TRPM3: variants seen among roughly 807,000 people sequenced by gnomAD.
TRPM3 encodes the protein transient receptor potential cation channel subfamily M member 3, also known as long transient receptor potential channel 3.
In TRPM3, 77 loss-of-function variants were observed where a neutral mutation model predicts 181.2. The ratio of observed to expected loss-of-function variants is 0.42; its 90% CI spans 0.35 to 0.51. The LOEUF (loss-of-function observed/expected upper bound fraction) is 0.51, where lower values mean the gene tolerates loss of function less well. Among genes scored for constraint, TRPM3 ranks in the 20% least tolerant of loss-of-function variants. The pLI is 0.01. For synonymous variants in TRPM3, 745 were observed against 796.4 expected (o/e 0.94, Z 1.09); for missense variants, 1,759 against 2,196.7 (o/e 0.80, Z 3.98).
At chr9:71,184,520 T>G (rs763102030) in intron 1 of TRPM3, among the ~76,000 whole-genome samples, 8 of 152,122 alleles carry the variant, frequency 5.3e-5, no homozygotes, top group Non-Finnish European at 2.9e-5. Flanking sequence ...CTTCTCTCAG[T>G]ATCTGTTAGT....
At chr9:70,995,054 T>C (rs2097529132) in intron 1 of TRPM3, among the ~76,000 whole-genome samples, 1 of 152,174 alleles carries the variant, frequency 6.6e-6, no homozygotes, top group African/African-American at 2.4e-5. Context: ...TCAGAGCATG[T>C]AGGTCTTCAT....
Position 71,057,152 on chromosome 9 carries a change from C to T in TRPM3, c.177+64026G>A, listed in dbSNP as rs2060764697. On this transcript the variant is annotated intron_variant, in intron 1 of 25. Transcript: ENST00000677713. ...CACAGAGTTGGATTTCTATGCCTTTCTTACTGCTTTTCCACTTGCCCAGGG... is the reference window on the plus strand; with the variant it reads ...CACAGAGTTGGATTTCTATGCCTTTTTTACTGCTTTTCCACTTGCCCAGGG... 2.0e-5 allele frequency among the ~76,000 whole-genome samples: 3 copies of T among 152,160 alleles called. No individual in the cohort carries two copies. In the South Asian group the frequency reaches 6.2e-4, roughly 32 times the overall value.
At chr9:70,608,316 G>A (rs1385081246) in intron 19 of TRPM3, among the ~76,000 whole-genome samples, 1 of 152,198 alleles carries the variant, frequency 6.6e-6, no homozygotes, top group African/African-American at 2.4e-5. Context: ...GAGTCTGCCT[G>A]TGTTCCAATT....
chr9:71,411,590 CAAAAT>C (rs1449158742), intron 1 of TRPM3, among the ~76,000 whole-genome samples: 2 of 152,038 alleles, frequency 1.3e-5, no homozygotes, highest in Non-Finnish European at 2.9e-5. Flanking sequence ...CACTGCTCAA[CAAAAT>C]AAAAGATGAC....
chr9:70,689,816 G>A (rs569617118), intron 8 of TRPM3, among the ~76,000 whole-genome samples: 1 of 152,138 alleles, frequency 6.6e-6, no homozygotes, highest in South Asian at 2.1e-4. Flanking sequence ...TTTGAAAAGA[G>A]TTTGGTTCAT....
chr9:70,905,277 C>T (rs976671093), intron 1 of TRPM3, among the ~76,000 whole-genome samples: 2 of 152,136 alleles, frequency 1.3e-5, no homozygotes, highest in African/African-American at 4.8e-5. Flanking sequence ...CTGGAGATAC[C>T]AAATACACAT....
At chr9:71,416,729 A>C (rs2093642324) in intron 1 of TRPM3, among the ~76,000 whole-genome samples, 1 of 151,946 alleles carries the variant, frequency 6.6e-6, no homozygotes, top group Admixed American at 6.6e-5. Context: ...ACATACAGTA[A>C]GATGTGCCCA....
At chr9:70,805,465 C>T (rs1201647263) in intron 6 of TRPM3, among the ~76,000 whole-genome samples, 1 of 136,158 alleles carries the variant, frequency 7.3e-6, no homozygotes, top group African/African-American at 2.6e-5. Context: ...ACCCGGGAGG[C>T]GGAGCTTGCA....
rs2040554451 is a variant in TRPM3 at position 70,529,365 on chromosome 9, A to C, written c.*6588T>G. ...CCATTGTATTTGTAGGAATTCATTT[A>C]AAAATGATATCTGAATAATTTCCCC... On this transcript the variant is annotated 3_prime_UTR_variant, in exon 26 of 26. Coordinates refer to ENST00000677713, the MANE Select transcript of TRPM3 (RefSeq NM_001366145.2). 6.6e-6 allele frequency: 1 copy of C among 152,270 alleles called. No individual in the cohort carries two copies. The highest frequency in any genetic ancestry group is 1.5e-5 in the Non-Finnish European group (1 of 68,050). 9.4% of individuals were successfully genotyped at this position (152,270 alleles called of 1,614,324 possible).
Position 70,535,403 on chromosome 9 carries a change from GT to G in TRPM3, c.*549del. The G allele has an allele frequency of 6.5e-7, 1 of 1,550,240 alleles. No individual in the cohort carries two copies. The highest frequency in any genetic ancestry group is 1.2e-5 in the South Asian group (1 of 84,040). On this transcript the variant is annotated 3_prime_UTR_variant, in exon 26 of 26. Transcript: ENST00000677713. Reference sequence around the variant, plus strand: ...TGTTGGCATGAGAAGGATGTGGGACGTTAGGTAGAACTGCTTGCTGCCGGCT... The same window carrying G: ...TGTTGGCATGAGAAGGATGTGGGACGTAGGTAGAACTGCTTGCTGCCGGCT...
chr9:71,236,101 A>AC (rs2081335965), intron 1 of TRPM3, among the ~76,000 whole-genome samples: 1 of 152,220 alleles, frequency 6.6e-6, no homozygotes, highest in South Asian at 2.1e-4. Context: ...AACAGGCATA[A>AC]CCTACAAAAA....
intron 1 of TRPM3, among the ~76,000 whole-genome samples, chr9:71,008,194 T>C (rs1178370748): frequency 6.6e-6 from 1 of 151,856 alleles, no homozygotes; most frequent in Non-Finnish European, 1.5e-5. Flanking sequence ...CTTGGACACA[T>C]ACAACCTACC....
intron 1 of TRPM3, among the ~76,000 whole-genome samples, chr9:71,358,034 C>T (rs190077407): frequency 1.0e-3 from 153 of 152,088 alleles, no homozygotes; most frequent in Admixed American, 2.0e-3. Flanking sequence ...AACAATATGG[C>T]GAGAGTACAA....
chr9:70,636,368 T>C (rs1001966414), intron 11 of TRPM3, among the ~76,000 whole-genome samples: 3 of 152,080 alleles, frequency 2.0e-5, no homozygotes, highest in African/African-American at 7.2e-5. Context: ...TGCTGTAACT[T>C]GATTTAAAGA....
At chr9:71,242,319 T>G (rs1478778106) in intron 1 of TRPM3, among the ~76,000 whole-genome samples, 1 of 152,148 alleles carries the variant, frequency 6.6e-6, no homozygotes, top group Non-Finnish European at 1.5e-5. Context: ...CATGAAATAG[T>G]CAGTTAACTG....
intron 1 of TRPM3, among the ~76,000 whole-genome samples, chr9:71,274,013 T>A (rs1310328724): frequency 6.6e-6 from 1 of 152,204 alleles, no homozygotes; most frequent in Non-Finnish European, 1.5e-5. Flanking sequence ...ATAAAATTCA[T>A]TGTTTAGGTG....
At chr9:71,149,585 G>A (rs1283314438) in intron 1 of TRPM3, among the ~76,000 whole-genome samples, 13 of 152,042 alleles carry the variant, frequency 8.6e-5, no homozygotes, top group Non-Finnish European at 1.9e-4. Flanking sequence ...AGTTAAACAG[G>A]TAATAAAGAT....
At chr9:71,267,449 G>A (rs2083464321) in intron 1 of TRPM3, among the ~76,000 whole-genome samples, 1 of 152,162 alleles carries the variant, frequency 6.6e-6, no homozygotes, top group South Asian at 2.1e-4. Flanking sequence ...GTTGTTGAAT[G>A]AATAAATGAC....
chr9:70,670,246 C>A (rs1474793792), intron 9 of TRPM3, among the ~76,000 whole-genome samples: 1 of 152,100 alleles, frequency 6.6e-6, no homozygotes, highest in Non-Finnish European at 1.5e-5. Flanking sequence ...AACTTTCATG[C>A]CGAAGAAAGT....
Sources: allele counts gnomAD v4.1 joint callset (sites outside exome capture counted in the v4.1 genomes callset), GRCh38; gene constraint gnomAD v4.1.1; transcripts MANE v1.5; gene names NCBI Gene and HGNC (gene_info 2026-07-23, HGNC 2026-07-21).